SOX6: variants seen among roughly 807,000 people sequenced by gnomAD.
SOX6 encodes transcription factor SOX-6.
SOX6 carries 11 observed loss-of-function variants against 97.8 expected under a neutral mutation model. The observed-to-expected ratio is 0.11, with a 90% CI of 0.07 to 0.19. The LOEUF is 0.19. SOX6 is among the 10% of genes least tolerant of loss of function. SOX6 has a pLI of 1.00. For synonymous variants in SOX6, 360 were observed against 371.4 expected (o/e 0.97, Z 0.35); for missense variants, 810 against 1,039.5 (o/e 0.78, Z 3.04).
intron 4 of SOX6, among the ~76,000 whole-genome samples, chr11:16,497,555 G>A (rs752381521): frequency 3.9e-5 from 6 of 151,958 alleles, no homozygotes; most frequent in Non-Finnish European, 8.8e-5. Flanking sequence ...TGGCAAAGAA[G>A]TTAAAAACCT....
chr11:16,228,610 G>T (rs1852754592), intron 4 of SOX6, among the ~76,000 whole-genome samples: 1 of 152,264 alleles, frequency 6.6e-6, no homozygotes, highest in Admixed American at 6.5e-5. Flanking sequence ...AACTGAAGTT[G>T]ATAATATTGT....
At chr11:16,260,418 T>C (rs1427071995) in intron 3 of SOX6, among the ~76,000 whole-genome samples, 1 of 152,126 alleles carries the variant, frequency 6.6e-6, no homozygotes. Context: ...TACTTCCCCA[T>C]TTGTTGAGGT....
chr11:16,472,516 C>A (rs1324413579), intron 1 of SOX6, among the ~76,000 whole-genome samples: 1 of 152,136 alleles, frequency 6.6e-6, no homozygotes, highest in East Asian at 1.9e-4. Context: ...ATGTTTAATC[C>A]AAATGACCCC....
chr11:16,684,063 T>C (rs1847949770), intron 3 of SOX6, among the ~76,000 whole-genome samples: 2 of 152,216 alleles, frequency 1.3e-5, no homozygotes, highest in African/African-American at 4.8e-5. Context: ...GTTAGAATGG[T>C]GATCATTAAA....
intron 1 of SOX6, among the ~76,000 whole-genome samples, chr11:16,386,936 A>G (rs1156932496): frequency 6.6e-6 from 1 of 152,298 alleles, no homozygotes; most frequent in Non-Finnish European, 1.5e-5. Flanking sequence ...AGATTCTCTC[A>G]TTATCCAAAT....
rs538406081 is a variant in SOX6, at chr11:16,164,041, C to T, written c.777+19845G>A. Among the ~76,000 whole-genome samples, 8 of 152,254 alleles carry T rather than the reference C, an allele frequency of 5.3e-5. No individual in the cohort carries two copies. The East Asian group carries it at 1.2e-3, about 22-fold the overall frequency. Reference sequence around the variant, plus strand: ...TCGCTCTGTCACCCAGTTTGGAGAGCTGTGGCATGATTTTGGCTCACTGCA... The same window carrying T: ...TCGCTCTGTCACCCAGTTTGGAGAGTTGTGGCATGATTTTGGCTCACTGCA... On this transcript the variant is annotated intron_variant, in intron 6 of 15. Transcript: ENST00000683767.
chr11:16,185,596 C>G (rs1851453035), intron 5 of SOX6, among the ~76,000 whole-genome samples: 1 of 152,186 alleles, frequency 6.6e-6, no homozygotes, highest in African/African-American at 2.4e-5. Context: ...CTTCATTGAG[C>G]ATGACAACCT....
At chr11:16,657,939 G>A (rs778871434) in intron 3 of SOX6, among the ~76,000 whole-genome samples, 22 of 152,262 alleles carry the variant, frequency 1.4e-4, no homozygotes, top group Non-Finnish European at 8.8e-5. Context: ...CATAATTGGA[G>A]TTTATTCATT....
In SOX6 at chr11:15,973,081, T is replaced by A. The variant is rs1428177569; in HGVS notation, c.2215A>T (p.Thr739Ser). The A allele has an allele frequency of 2.5e-6, 4 of 1,614,208 alleles. No homozygotes were observed. The highest frequency in any genetic ancestry group is 3.4e-6 in the Non-Finnish European group (4 of 1,180,036). ...QQPQIPITTG[T>S]GVVYPGAITM... ...ATAGCACCAGGATACACAACACCTG[T>A]TCCTGTGGTGATTGGAATCTGAGGC... Residue 739 changes from threonine to serine, a missense_variant, in exon 16 of 16, where the codon ACA becomes TCA. Around this residue, in one of 9 missense-constraint regions of SOX6, gnomAD observed 122 missense variants for 153.4 expected, o/e 0.80. Transcript: ENST00000683767.
At chr11:16,123,042 T>C (rs1244240261) in intron 6 of SOX6, among the ~76,000 whole-genome samples, 1 of 152,018 alleles carries the variant, frequency 6.6e-6, no homozygotes, top group African/African-American at 2.4e-5. Flanking sequence ...AATTTCAAGA[T>C]TTTTTAATGG....
At chr11:16,008,211 G>C (rs777617213) in intron 13 of SOX6, among the ~76,000 whole-genome samples, 4 of 151,972 alleles carry the variant, frequency 2.6e-5, no homozygotes, top group Non-Finnish European at 5.9e-5. Flanking sequence ...GTCTGTACAT[G>C]TTCAGTACAG....
intron 6 of SOX6, among the ~76,000 whole-genome samples, chr11:16,163,359 C>A (rs1850803660): frequency 6.6e-6 from 1 of 152,070 alleles, no homozygotes; most frequent in South Asian, 2.1e-4. Context: ...GTTTAAGATC[C>A]TATAGATTTT....
chr11:16,591,946 A>T (rs889089467), intron 4 of SOX6, among the ~76,000 whole-genome samples: 25 of 152,142 alleles, frequency 1.6e-4, no homozygotes, highest in African/African-American at 5.8e-4. Context: ...AAATTGCTTC[A>T]TCACACTGTG....
chr11:16,386,458 C>A (rs1356015708), intron 1 of SOX6, among the ~76,000 whole-genome samples: 1 of 152,046 alleles, frequency 6.6e-6, no homozygotes, highest in Non-Finnish European at 1.5e-5. Context: ...CAGATTCCTG[C>A]ATATAGATAC....
rs1012953159 is a variant in SOX6, at chr11:16,627,411, C to G, written n.430-15151G>C. On this transcript the variant is annotated intron_variant and non_coding_transcript_variant, in intron 3 of 5. Transcript: ENST00000524520. ...ATCTCCAAACTGCTCTTCACAATAG[C>G]TGAACTAATTTACATCTCCACCAAC... 2.4e-4 allele frequency among the ~76,000 whole-genome samples: 37 copies of G among 152,210 alleles called. 1 individual carries two copies.
chr11:16,107,918 T>C (rs1483897959), intron 7 of SOX6, among the ~76,000 whole-genome samples: 1 of 152,128 alleles, frequency 6.6e-6, no homozygotes, highest in African/African-American at 2.4e-5. Context: ...GCATTTCCAA[T>C]GGATAAGGAT....
chr11:16,443,840 C>G (rs1239279277), intron 1 of SOX6, among the ~76,000 whole-genome samples: 1 of 151,886 alleles, frequency 6.6e-6, no homozygotes, highest in Non-Finnish European at 1.5e-5. Flanking sequence ...TGATGGAACC[C>G]CATCTCTACT....
chr11:16,234,889 G>A (rs1174014298), intron 3 of SOX6, among the ~76,000 whole-genome samples: 7 of 151,724 alleles, frequency 4.6e-5, no homozygotes, highest in Non-Finnish European at 7.4e-5. Context: ...TATCATCTAA[G>A]AGAAAAAAGA....
At chr11:16,063,295 A>T (rs1169700726) in intron 9 of SOX6, among the ~76,000 whole-genome samples, 1 of 150,752 alleles carries the variant, frequency 6.6e-6, no homozygotes, top group African/African-American at 2.4e-5. Context: ...TACCAATCAG[A>T]CTCAGCCTCA....
Sources: gnomAD v4.1 joint callset for allele counts (sites outside exome capture counted in the v4.1 genomes callset) on GRCh38, gnomAD v4.1.1 for gene constraint, gnomAD v4.1.1 regional missense constraint, MANE v1.5 for transcripts, NCBI Gene and HGNC (gene_info 2026-07-23, HGNC 2026-07-21) for gene names.